FREM2: variants seen among roughly 807,000 people sequenced by gnomAD.
The protein encoded by FREM2 is FRAS1 related extracellular matrix 2.
Under a neutral mutation model 219.9 loss-of-function variants are expected in FREM2, and 119 were observed. The observed-to-expected ratio is 0.54, with a 90% CI of 0.47 to 0.63. The LOEUF (loss-of-function observed/expected upper bound fraction) is 0.63. Ranked by LOEUF, FREM2 falls within the 30% of genes least tolerant of loss-of-function variation. FREM2 has a pLI of 0.00. For synonymous variants in FREM2, 1,562 were observed against 1,522.8 expected, an observed-to-expected ratio of 1.03 and a Z score of -0.60; for missense variants, 4,030 against 3,993.6, an observed-to-expected ratio of 1.01 and a Z score of -0.25.
intron 4 of FREM2, among the ~76,000 whole-genome samples, chr13:38,780,691 G>A (rs1874084825): frequency 6.6e-6 from 1 of 152,170 alleles, no homozygotes. Context: ...GAAAGCCAAA[G>A]ACAACTTTTT....
chr13:38,766,544 C>T (rs1325098185), intron 3 of FREM2, among the ~76,000 whole-genome samples: 1 of 152,120 alleles, frequency 6.6e-6, no homozygotes, highest in Non-Finnish European at 1.5e-5. Flanking sequence ...TATAACTGTG[C>T]CCATACAACC....
At chr13:38,713,430 C>G (rs1870861369) in intron 2 of FREM2, among the ~76,000 whole-genome samples, 1 of 152,140 alleles carries the variant, frequency 6.6e-6, no homozygotes, top group African/African-American at 2.4e-5. Flanking sequence ...ATAATGCATA[C>G]TCTTATCATG....
intron 17 of FREM2, among the ~76,000 whole-genome samples, chr13:38,873,848 A>T (rs1415402231): frequency 6.6e-6 from 1 of 152,160 alleles, no homozygotes; most frequent in Non-Finnish European, 1.5e-5. Context: ...TTTCATTTTG[A>T]ATAGTTTCTA....
At chr13:38,795,068 A>G (rs1709129694) in intron 6 of FREM2, among the ~76,000 whole-genome samples, 1 of 152,130 alleles carries the variant, frequency 6.6e-6, no homozygotes, top group South Asian at 2.1e-4. Context: ...GTGCATTACC[A>G]CTAGGCTGTA....
chr13:38,691,955 C>T lies in FREM2; in HGVS notation c.4611C>T (p.Thr1537=), dbSNP rs767027750. The T allele has an allele frequency of 8.1e-6, 13 of 1,614,064 alleles. No homozygotes were observed. Among genetic ancestry groups the T allele is most frequent in the Middle Eastern group, 1.6e-4 (1 of 6,084 alleles). ...SDVDNKKPVV[T]IHKLVVSESE... is the part of the protein sequence containing the mutation. The stretch of plus-strand genomic sequence containing the variant: ...TGGACAATAAAAAGCCAGTGGTCAC[C>T]ATCCACAAGCTGGTTGTCAGTGAAA... The change falls in exon 1 of 24, where the codon ACC becomes ACT. Residue 1537 remains threonine, a synonymous_variant. Coordinates refer to ENST00000280481, the MANE Select transcript of FREM2 (RefSeq NM_207361.6).
At chr13:38,861,679 G>T in intron 15 of FREM2, 117 bp downstream of exon 15, 1 of 1,096,646 alleles carries the variant, frequency 9.1e-7, no homozygotes, top group Non-Finnish European at 1.4e-6. Flanking sequence ...TGCAACTTGA[G>T]CTTCAAGTCC....
intron 2 of FREM2, among the ~76,000 whole-genome samples, chr13:38,758,190 C>T (rs1454155313): frequency 1.3e-5 from 2 of 152,144 alleles, no homozygotes; most frequent in South Asian, 4.1e-4. Flanking sequence ...ATCCAATCTC[C>T]TAAATAGGAG....
intron 6 of FREM2, among the ~76,000 whole-genome samples, chr13:38,829,199 A>G (rs894285783): frequency 9.9e-5 from 15 of 152,278 alleles, no homozygotes; most frequent in African/African-American, 3.6e-4. Context: ...GGGGTAGAAC[A>G]TAAGCAGTCT....
At position 38,782,973 on chromosome 13, in the gene FREM2, A is replaced by G. The variant is rs1874174670; in HGVS notation, c.5642-97A>G. ...TTATTCTAAAGAATATTCAAGGGGG[A>G]AAAATCAATCATTAGAGAAATTTTA... is the stretch of plus-strand genomic sequence containing the variant. On this transcript the variant is annotated intron_variant, in intron 4 of 23. Coordinates refer to ENST00000280481, the MANE Select transcript of FREM2 (RefSeq NM_207361.6). The G allele has an allele frequency of 4.9e-6, 7 of 1,426,688 alleles. No individual in the cohort carries two copies. The South Asian group carries it at 5.8e-5, about 12-fold the overall frequency. The allele number at this position is 1,426,688 out of a possible 1,614,324, so 88.4% of individuals were successfully genotyped here. A position where few individuals can be genotyped will look rare whatever the true frequency, so the allele number is the denominator to read the frequency against.
At position 38,823,590 on chromosome 13, in the gene FREM2, T is replaced by C. The variant is rs561016751; in HGVS notation, c.6020-22983T>C. Among the ~76,000 whole-genome samples, 123 of 152,060 alleles carry C rather than the reference T, an allele frequency of 8.1e-4. 1 individual carries two copies. The highest frequency in any genetic ancestry group is 6.2e-4 in the South Asian group (3 of 4,820). On this transcript the variant is annotated intron_variant, in intron 6 of 23. Transcript: ENST00000280481. ...TTTAGTTTCTATTTCTGCTTCTACT[T>C]GAAGAAAAATTCTCCCTCTCTACCT...
intron 17 of FREM2, among the ~76,000 whole-genome samples, chr13:38,873,427 G>T (rs1470687221): frequency 6.6e-6 from 1 of 152,064 alleles, no homozygotes; most frequent in Admixed American, 6.6e-5. Context: ...TAACCTTTCT[G>T]GGACTTAACT....
Position 38,687,147 on chromosome 13 carries a change from T to G in FREM2, c.-198T>G, listed in dbSNP as rs1410916113. On this transcript the variant is annotated 5_prime_UTR_variant, in exon 1 of 24. Coordinates refer to ENST00000280481, the MANE Select transcript of FREM2 (RefSeq NM_207361.6). ...CGGAGCTGGACGGCCTGGGAAGGCTTCGGCTCCTCGGCTGCGGCTCCAGCC... is the reference window on the plus strand; with the variant it reads ...CGGAGCTGGACGGCCTGGGAAGGCTGCGGCTCCTCGGCTGCGGCTCCAGCC... 4 of 686,892 alleles carry G rather than the reference T, an allele frequency of 5.8e-6. No homozygotes were observed. The highest frequency in any genetic ancestry group is 9.7e-6 in the Non-Finnish European group (4 of 410,740). 42.5% of individuals were successfully genotyped at this position (686,892 alleles called of 1,614,324 possible). A position where few individuals can be genotyped will look rare whatever the true frequency, so the allele number is the denominator to read the frequency against.
intron 2 of FREM2, among the ~76,000 whole-genome samples, chr13:38,736,146 G>A (rs1043065909): frequency 6.6e-6 from 1 of 152,190 alleles, no homozygotes; most frequent in African/African-American, 2.4e-5. Flanking sequence ...CTTTGCCTCA[G>A]AGGCTCACTT....
Position 38,687,949 on chromosome 13 carries a change from C to T in FREM2, c.605C>T (p.Ala202Val). Residue 202 changes from alanine to valine, a missense_variant, in exon 1 of 24, where the codon GCG becomes GTG. Around this residue, in one of 2 missense-constraint regions of FREM2, gnomAD observed 3,102 missense variants for 2,950.7 expected, o/e 1.05. Coordinates refer to ENST00000280481, the MANE Select transcript of FREM2 (RefSeq NM_207361.6). Reference sequence around the variant, plus strand: ...CTGGGGACCAGCAATGCCCTGGACGCGCGGAGCCTGGAGTTCGCCTTCCAG... The same window carrying T: ...CTGGGGACCAGCAATGCCCTGGACGTGCGGAGCCTGGAGTTCGCCTTCCAG... ...ELLGTSNALDARSLEFAFQPE... is the reference protein window; with the variant it reads ...ELLGTSNALDVRSLEFAFQPE... The T allele has an allele frequency of 6.2e-7, 1 of 1,608,508 alleles. No individual in the cohort carries two copies. The highest frequency in any genetic ancestry group is 1.3e-5 in the African/African-American group (1 of 74,896).
chr13:38,878,445 A>G (rs1018000264), intron 22 of FREM2, 124 bp downstream of exon 22: 2 of 644,988 alleles, frequency 3.1e-6, no homozygotes. Context: ...TGGGAGGCCA[A>G]GGTAGAAGGA....
At position 38,688,120 on chromosome 13, in the gene FREM2, T is replaced by A. The variant is rs764395172; in HGVS notation, c.776T>A (p.Phe259Tyr). The change falls in exon 1 of 24, where the codon TTC (phenylalanine) becomes TAC (tyrosine). Residue 259 changes from phenylalanine to tyrosine, a missense_variant. This residue lies in a region of FREM2 where 3,102 missense variants were observed against 2,950.7 expected (regional missense o/e 1.05). Coordinates refer to ENST00000280481, the MANE Select transcript of FREM2 (RefSeq NM_207361.6). ...PETLLMDCKA[F>Y]QELGVRYRHT... is the part of the protein sequence containing the mutation. ...ACTCTCCTGATGGACTGCAAAGCTT[T>A]CCAGGAACTAGGCGTGCGCTATCGC... 1 of 1,613,198 alleles carries A rather than the reference T, an allele frequency of 6.2e-7. No individual in the cohort carries two copies. The highest frequency in any genetic ancestry group is 1.3e-5 in the African/African-American group (1 of 74,926).
Position 38,688,949 on chromosome 13 carries a change from C to T in FREM2, c.1605C>T (p.Arg535=), listed in dbSNP as rs760843477. 18 of 1,613,210 alleles carry T rather than the reference C, an allele frequency of 1.1e-5. No homozygotes were observed. The highest frequency in any genetic ancestry group is 4.0e-5 in the African/African-American group (3 of 74,918). ...DGSLSDNLVL[R]MVDGGGRHQV... The stretch of plus-strand genomic sequence containing the variant: ...CGCTGAGCGACAACCTGGTGCTTCG[C>T]ATGGTGGATGGAGGAGGCAGGCACC... The change falls in exon 1 of 24, where the codon CGC becomes CGT. Residue 535 remains arginine (R), a synonymous_variant. Coordinates refer to ENST00000280481, the MANE Select transcript of FREM2 (RefSeq NM_207361.6).
At chr13:38,768,129 G>T (rs1360652522) in intron 3 of FREM2, among the ~76,000 whole-genome samples, 1 of 152,050 alleles carries the variant, frequency 6.6e-6, no homozygotes. Context: ...ATCTTATTTA[G>T]TTCAGTTTCA....
At chr13:38,876,911 CA>C (rs1409564141) in intron 20 of FREM2, among the ~76,000 whole-genome samples, 1 of 152,128 alleles carries the variant, frequency 6.6e-6, no homozygotes, top group African/African-American at 2.4e-5. Context: ...TAGTCCCATT[CA>C]AAAAATGACT....
Sources: gnomAD v4.1 joint callset for allele counts (sites outside exome capture counted in the v4.1 genomes callset) on GRCh38, gnomAD v4.1.1 for gene constraint, gnomAD v4.1.1 regional missense constraint, MANE v1.5 for transcripts, NCBI Gene and HGNC (gene_info 2026-07-23, HGNC 2026-07-21) for gene names.